The following FOXP1 variants were observed in gnomAD, a reference collection of about 807,000 sequenced individuals.
FOXP1 encodes the protein forkhead box P1.
Under a neutral mutation model 98.2 loss-of-function variants are expected in FOXP1, and 15 were observed. That is an observed-to-expected ratio of 0.15 (90% CI 0.10 to 0.24). The LOEUF is 0.24. FOXP1 is among the 10% of genes least tolerant of loss of function. FOXP1 has a pLI of 1.00. For missense variants in FOXP1, 633 were observed against 848.5 expected (o/e 0.75, Z 3.15); for synonymous variants, 371 against 314.5 (o/e 1.18, Z -1.90).
intron 20 of FOXP1, among the ~76,000 whole-genome samples, chr3:70,963,488 C>T (rs2034045608): frequency 6.6e-6 from 1 of 152,172 alleles, no homozygotes; most frequent in South Asian, 2.1e-4. Context: ...CACCGTGTCT[C>T]CTGGAAGTTA....
chr3:71,447,661 C>T (rs1166042846), intron 3 of FOXP1, among the ~76,000 whole-genome samples: 7 of 152,222 alleles, frequency 4.6e-5, no homozygotes, highest in Non-Finnish European at 8.8e-5. Flanking sequence ...AGCTCATCCA[C>T]GTCCAGCGTG....
chr3:71,376,980 C>T (rs2079766526), intron 3 of FOXP1, among the ~76,000 whole-genome samples: 3 of 152,004 alleles, frequency 2.0e-5, no homozygotes, highest in African/African-American at 4.8e-5. Context: ...AAAATTGAGT[C>T]TTCATCTTCT....
chr3:71,377,127 C>T (rs556361990), intron 3 of FOXP1, among the ~76,000 whole-genome samples: 50 of 152,054 alleles, frequency 3.3e-4, no homozygotes, highest in Non-Finnish European at 6.8e-4. Flanking sequence ...GAGAGTTCAG[C>T]GGGCCACAGA....
intron 3 of FOXP1, among the ~76,000 whole-genome samples, chr3:71,374,518 G>A (rs984654545): frequency 2.0e-5 from 3 of 152,008 alleles, no homozygotes; most frequent in Non-Finnish European, 4.4e-5. Context: ...GCTTGAACCT[G>A]GGAGAAAGAG....
intron 6 of FOXP1, among the ~76,000 whole-genome samples, chr3:71,122,592 T>C (rs941850391): frequency 6.6e-6 from 1 of 152,186 alleles, no homozygotes; most frequent in East Asian, 1.9e-4. Flanking sequence ...ATAAAAACAC[T>C]GTATTGAATT....
At chr3:71,219,740 T>C (rs747782016) in intron 5 of FOXP1, among the ~76,000 whole-genome samples, 13 of 152,244 alleles carry the variant, frequency 8.5e-5, no homozygotes, top group Middle Eastern at 3.2e-3. Context: ...CTTTTTACTT[T>C]TTTGAATCCA....
chr3:71,140,970 C>G (rs917822705), intron 6 of FOXP1, among the ~76,000 whole-genome samples: 1 of 151,352 alleles, frequency 6.6e-6, no homozygotes, highest in Non-Finnish European at 1.5e-5. Context: ...AAAAAATTGC[C>G]AAGAAACTGT....
chr3:71,370,287 A>G (rs184351621), intron 3 of FOXP1, among the ~76,000 whole-genome samples: 2 of 152,342 alleles, frequency 1.3e-5, no homozygotes, highest in East Asian at 1.9e-4. Context: ...AAGTGTCTCA[A>G]TGGTGTAACT....
At chr3:71,328,417 C>G (rs1244200375) in intron 4 of FOXP1, among the ~76,000 whole-genome samples, 1 of 152,206 alleles carries the variant, frequency 6.6e-6, no homozygotes, top group Non-Finnish European at 1.5e-5. Flanking sequence ...TGGGTTGATC[C>G]TGCCATCAAA....
intron 6 of FOXP1, among the ~76,000 whole-genome samples, chr3:71,181,895 CATG>C: frequency 6.6e-6 from 1 of 151,892 alleles, no homozygotes; most frequent in African/African-American, 2.4e-5. Context: ...ATTAGCCAGG[CATG>C]GTGGTGGGTG....
intron 3 of FOXP1, among the ~76,000 whole-genome samples, chr3:71,423,277 T>C (rs950326614): frequency 3.3e-5 from 5 of 152,194 alleles, no homozygotes; most frequent in Admixed American, 2.6e-4. Context: ...TTGTGGCAAC[T>C]TGCCAAGCGC....
chr3:71,419,024 C>A (rs2083427292), intron 3 of FOXP1, among the ~76,000 whole-genome samples: 1 of 150,848 alleles, frequency 6.6e-6, no homozygotes, highest in Admixed American at 6.6e-5. Flanking sequence ...CACCTGAGGT[C>A]AGGAGTTCAA....
At chr3:71,009,473 T>C (rs942245727) in intron 12 of FOXP1, among the ~76,000 whole-genome samples, 1 of 152,120 alleles carries the variant, frequency 6.6e-6, no homozygotes, top group African/African-American at 2.4e-5. Context: ...TACCCCTTTA[T>C]GGAAAAAATT....
intron 14 of FOXP1, among the ~76,000 whole-genome samples, chr3:70,984,167 A>AACTT (rs1409181804): frequency 2.0e-5 from 3 of 152,204 alleles, no homozygotes; most frequent in Non-Finnish European, 2.9e-5. Context: ...TGCTCTGGTC[A>AACTT]ACTTACACAT....
chr3:70,974,317 G>A (rs187681854), intron 17 of FOXP1, among the ~76,000 whole-genome samples: 26 of 148,060 alleles, frequency 1.8e-4, no homozygotes, highest in African/African-American at 6.5e-4. Flanking sequence ...TTCTTTTTTT[G>A]AAACTAGGTC....
chr3:71,367,183 G>A (rs914390742), intron 3 of FOXP1, among the ~76,000 whole-genome samples: 4 of 152,132 alleles, frequency 2.6e-5, no homozygotes, highest in Admixed American at 1.3e-4. Flanking sequence ...AAGGAGGGAG[G>A]AGACCTCTCC....
intron 3 of FOXP1, among the ~76,000 whole-genome samples, chr3:71,404,120 CTTTTTTTTTTTT>C (rs869086663): frequency 2.8e-3 from 177 of 62,726 alleles, no homozygotes; most frequent in Middle Eastern, 0.022. Flanking sequence ...TTTTCTTTTT[CTTTTTTTTTTTT>C]TTTTTTTTTT....
chr3:70,958,332 T>C lies in FOXP1; in HGVS notation c.*915A>G, dbSNP rs781578551. On this transcript the variant is annotated 3_prime_UTR_variant, in exon 21 of 21. Transcript: ENST00000649528. ...CTCTCTTTTTTTTTTCTGTCATTCA[T>C]TCTCTTTCTGGCAGGACGTCACGTC... The C allele has an allele frequency of 1.9e-6, 1 of 533,954 alleles. No individual in the cohort carries two copies. The highest frequency in any genetic ancestry group is 3.9e-5 in the East Asian group (1 of 25,632). 33.1% of individuals were successfully genotyped at this position (533,954 alleles called of 1,614,324 possible). A position where few individuals can be genotyped will look rare whatever the true frequency, so the allele number is the denominator to read the frequency against.
At chr3:71,221,647 CTATA>C (rs1437573221) in intron 5 of FOXP1, among the ~76,000 whole-genome samples, 3 of 152,176 alleles carry the variant, frequency 2.0e-5, no homozygotes, top group African/African-American at 7.2e-5. Context: ...GCATTTTAGT[CTATA>C]TATAAATATA....
Sources: allele counts gnomAD v4.1 joint callset (sites outside exome capture counted in the v4.1 genomes callset), GRCh38; gene constraint gnomAD v4.1.1; transcripts MANE v1.5; gene names NCBI Gene and HGNC (gene_info 2026-07-23, HGNC 2026-07-21).